The following SLC4A5 variants were observed in gnomAD, a reference collection of about 807,000 sequenced individuals.
SLC4A5 encodes the protein solute carrier family 4 member 5.
Under a neutral mutation model 120.4 loss-of-function variants are expected in SLC4A5, and 96 were observed. The observed-to-expected ratio is 0.80, with a 90% CI of 0.68 to 0.94. SLC4A5 has a LOEUF of 0.94. Ranked by LOEUF, SLC4A5 falls within the 40% of genes least tolerant of loss-of-function variation. The pLI, the probability that SLC4A5 is intolerant of heterozygous loss-of-function variation, is 0.00. For missense variants in SLC4A5, 1,259 were observed against 1,459.5 expected (o/e 0.86, Z 2.24); for synonymous variants, 550 against 571.1 (o/e 0.96, Z 0.53).
intron 5 of SLC4A5, chr2:74,319,359 A>G (rs1289542264): frequency 6.6e-6 from 1 of 152,184 alleles, no homozygotes; most frequent in African/African-American, 2.4e-5. Context: ...CTAAATATAT[A>G]TTTTAAAACA....
intron 8 of SLC4A5, among the ~76,000 whole-genome samples, chr2:74,277,337 G>C (rs1202395282): frequency 6.6e-6 from 1 of 152,042 alleles, no homozygotes. Context: ...ATCACCTGAG[G>C]CCAGGAGTTT....
At chr2:74,301,330 G>A (rs1672470391) in intron 7 of SLC4A5, among the ~76,000 whole-genome samples, 1 of 152,190 alleles carries the variant, frequency 6.6e-6, no homozygotes, top group Non-Finnish European at 1.5e-5. Flanking sequence ...TGTAAGGCAG[G>A]AACTGAAGGG....
chr2:74,278,231 G>C (rs959073868), intron 8 of SLC4A5, among the ~76,000 whole-genome samples: 2 of 152,176 alleles, frequency 1.3e-5, no homozygotes, highest in African/African-American at 4.8e-5. Context: ...AGGGTTCTGA[G>C]GAGCTGCCAG....
intron 12 of SLC4A5, among the ~76,000 whole-genome samples, chr2:74,256,928 G>A (rs753239320): frequency 1.3e-5 from 2 of 152,112 alleles, no homozygotes; most frequent in Non-Finnish European, 2.9e-5. Flanking sequence ...GGGGGTAGAG[G>A]ACAGCTCTGA....
At position 74,265,169 on chromosome 2, in the gene SLC4A5, C is replaced by T. The variant is rs372804712; in HGVS notation, c.497G>A (p.Arg166His). The T allele has an allele frequency of 6.8e-6, 11 of 1,614,108 alleles. No individual in the cohort carries two copies. Among genetic ancestry groups the T allele is most frequent in the African/African-American group, 5.3e-5 (4 of 74,940 alleles). The stretch of plus-strand genomic sequence containing the variant: ...CACCGTCCCCGTCTGCAGGCAGGTA[C>T]GGAGCTCGAAGAGGCTGTGCAGGGA... Residue 166 changes from arginine to histidine, a missense_variant, in exon 9 of 31, where the codon CGT (arginine) becomes CAT (histidine). Transcript: ENST00000394019.
chr2:74,223,421 G>A (rs1391181337), intron 28 of SLC4A5, among the ~76,000 whole-genome samples: 1 of 152,160 alleles, frequency 6.6e-6, no homozygotes. Context: ...CCACTGAAGG[G>A]GAATGGGCAC....
At chr2:74,293,806 T>C (rs1672247322) in intron 7 of SLC4A5, among the ~76,000 whole-genome samples, 1 of 152,220 alleles carries the variant, frequency 6.6e-6, no homozygotes, top group Non-Finnish European at 1.5e-5. Flanking sequence ...ACCTTCTTAA[T>C]CATGAGTCCC....
intron 5 of SLC4A5, among the ~76,000 whole-genome samples, chr2:74,321,127 TG>T (rs1673087375): frequency 6.6e-6 from 1 of 152,204 alleles, no homozygotes; most frequent in South Asian, 2.1e-4. Flanking sequence ...TTAAATATTT[TG>T]AATATCACCA....
At chr2:74,304,357 G>C (rs1672571253) in intron 7 of SLC4A5, 132 bp downstream of exon 7, 1 of 900,252 alleles carries the variant, frequency 1.1e-6, no homozygotes, top group Admixed American at 2.8e-5. Flanking sequence ...AGAGCAGAGG[G>C]GGCCAGAGAG....
intron 28 of SLC4A5, among the ~76,000 whole-genome samples, chr2:74,224,340 T>G (rs1459539303): frequency 6.6e-6 from 1 of 152,130 alleles, no homozygotes; most frequent in Non-Finnish European, 1.5e-5. Flanking sequence ...CGAGGATACC[T>G]GCCTCTTTCC....
At chr2:74,242,288 G>A (rs1048755023) in intron 19 of SLC4A5, among the ~76,000 whole-genome samples, 1 of 152,200 alleles carries the variant, frequency 6.6e-6, no homozygotes, top group Non-Finnish European at 1.5e-5. Flanking sequence ...GCCTGACCAC[G>A]AACAGCTGGT....
chr2:74,227,835 C>T lies in SLC4A5; in HGVS notation c.2891G>A (p.Gly964Asp), dbSNP rs1463857006. The T allele has an allele frequency of 5.6e-6, 9 of 1,611,802 alleles. No individual in the cohort carries two copies. In the East Asian group the frequency reaches 2.0e-4, roughly 36 times the overall value. The stretch of plus-strand genomic sequence containing the variant: ...CTGGATGCCATTCAGGGAGGCCACG[C>T]CCATGTAGAGGAAGACTCCGTACAG... Residue 964 changes from glycine to aspartate, a missense_variant, in exon 26 of 31, where the codon GGC becomes GAC. Gly to Asp is a moderately conservative substitution (Grantham distance 94). Transcript: ENST00000394019.
intron 5 of SLC4A5, among the ~76,000 whole-genome samples, chr2:74,321,319 C>T (rs1428116312): frequency 6.6e-6 from 1 of 152,136 alleles, no homozygotes; most frequent in African/African-American, 2.4e-5. Flanking sequence ...GGCTGAAGAG[C>T]TACAGGAGAA....
At chr2:74,252,098 T>C (rs1670809111) in intron 16 of SLC4A5, 81 bp downstream of exon 16, 10 of 1,476,334 alleles carry the variant, frequency 6.8e-6, no homozygotes, top group East Asian at 2.3e-5. Context: ...CAGACCATGG[T>C]TGGGAAAAGT....
chr2:74,257,591 T>C (rs1270473595), intron 12 of SLC4A5, among the ~76,000 whole-genome samples: 5 of 152,064 alleles, frequency 3.3e-5, no homozygotes, highest in African/African-American at 1.2e-4. Context: ...TGTTTTGATT[T>C]GTTTTGAGAC....
At chr2:74,291,451 C>G (rs544736320) in intron 7 of SLC4A5, among the ~76,000 whole-genome samples, 6 of 152,110 alleles carry the variant, frequency 3.9e-5, no homozygotes, top group Non-Finnish European at 8.8e-5. Context: ...AAGTCCAAAC[C>G]CTTCATTTCA....
chr2:74,336,365 G>A (rs1189457866), intron 3 of SLC4A5, among the ~76,000 whole-genome samples: 1 of 152,144 alleles, frequency 6.6e-6, no homozygotes, highest in Non-Finnish European at 1.5e-5. Context: ...CACCACGCCT[G>A]GCTGAGGTCA....
chr2:74,276,428 A>T (rs1171708584), intron 8 of SLC4A5, among the ~76,000 whole-genome samples: 1 of 152,254 alleles, frequency 6.6e-6, no homozygotes, highest in Non-Finnish European at 1.5e-5. Context: ...TCCTAGACTC[A>T]GAAGTTAGAG....
chr2:74,253,884 T>C (rs1018223301), intron 14 of SLC4A5, among the ~76,000 whole-genome samples: 2 of 152,222 alleles, frequency 1.3e-5, no homozygotes, highest in Admixed American at 1.3e-4. Flanking sequence ...GGATTTGATA[T>C]TTTCAATGAT....
Sources: gnomAD v4.1 joint callset for allele counts (sites outside exome capture counted in the v4.1 genomes callset) on GRCh38, gnomAD v4.1.1 for gene constraint, MANE v1.5 for transcripts, NCBI Gene and HGNC (gene_info 2026-07-23, HGNC 2026-07-21) for gene names.